Variants in ZCCHC7 observed in about 807,000 individuals in gnomAD.
The protein encoded by ZCCHC7 is zinc finger CCHC domain-containing protein 7.
ZCCHC7 carries 35 observed loss-of-function variants against 52.0 expected under a neutral mutation model. The ratio of observed to expected loss-of-function variants is 0.67; its 90% CI spans 0.51 to 0.89. ZCCHC7 has a LOEUF of 0.89. ZCCHC7 is among the 40% of genes least tolerant of loss of function. The pLI, the probability that ZCCHC7 is intolerant of heterozygous loss-of-function variation, is 0.00. For synonymous variants in ZCCHC7, 217 were observed against 221.5 expected, an observed-to-expected ratio of 0.98 and a Z score of 0.18; for missense variants, 574 against 649.1, an observed-to-expected ratio of 0.88 and a Z score of 1.26.
chr9:37,226,060 CAAAT>C lies in ZCCHC7; in HGVS notation c.611-76125_611-76122del, dbSNP rs761359928. ...CTAGTTAGAAAATTGGAGAGAATCT[CAAAT>C]AAGCTACTGGCACTAATAAGTTTAG... On this transcript the variant is annotated intron_variant, in intron 2 of 8. Coordinates refer to ENST00000336755, the MANE Select transcript of ZCCHC7 (RefSeq NM_032226.3). 1.1e-3 allele frequency among the ~76,000 whole-genome samples: 160 copies of C among 152,280 alleles called. 1 individual carries two copies. Among genetic ancestry groups the C allele is most frequent in the African/African-American group, 3.6e-3 (149 of 41,560 alleles).
chr9:37,154,307 A>G (rs376157077), intron 2 of ZCCHC7, among the ~76,000 whole-genome samples: 15 of 152,186 alleles, frequency 9.9e-5, no homozygotes, highest in African/African-American at 3.1e-4. Flanking sequence ...AAATGAAATA[A>G]TGCATGTGAT....
rs142743805 is a variant in ZCCHC7 at position 37,342,124 on chromosome 9, G to A, written c.988-7233G>A. 1.1e-4 allele frequency among the ~76,000 whole-genome samples: 16 copies of A among 152,280 alleles called. No individual in the cohort carries two copies. The East Asian group carries it at 2.9e-3, about 28-fold the overall frequency. ...ATGATGTTCTTGTAATCATCCAAACGAGAGTTGAGTAATTGGACCAGGACA... is the reference window on the plus strand; with the variant it reads ...ATGATGTTCTTGTAATCATCCAAACAAGAGTTGAGTAATTGGACCAGGACA... On this transcript the variant is annotated intron_variant, in intron 6 of 8. Transcript: ENST00000336755.
In ZCCHC7 at chr9:37,163,221, C is replaced by A. The variant is rs375120000; in HGVS notation, c.610+36279C>A. ...TCTCAAAAACAAACAAACAAACAAA[C>A]AAAAAAAAACAAAAAGTATTTTTAC... is the stretch of plus-strand genomic sequence containing the variant. On this transcript the variant is annotated intron_variant, in intron 2 of 8. Coordinates refer to ENST00000336755, the MANE Select transcript of ZCCHC7 (RefSeq NM_032226.3). Among the ~76,000 whole-genome samples, 407 of 148,384 alleles carry A rather than the reference C, an allele frequency of 2.7e-3. 2 individuals carry two copies. Among genetic ancestry groups the A allele is most frequent in the Middle Eastern group, 6.8e-3 (2 of 294 alleles).
In ZCCHC7 at chr9:37,357,434, A is replaced by G; in HGVS notation, c.*166A>G. On this transcript the variant is annotated 3_prime_UTR_variant, in exon 9 of 9. Transcript: ENST00000336755. ...TTACTGAATATCCATGGAGATCTCA[A>G]TTCTCTGTGTCCAACAGGATATTAG... The G allele has an allele frequency of 1.8e-6, 1 of 556,610 alleles. No homozygotes were observed. The highest frequency in any genetic ancestry group is 2.9e-6 in the Non-Finnish European group (1 of 340,190). The allele number at this position is 556,610 out of a possible 1,614,324, so 34.5% of individuals were successfully genotyped here.
intron 2 of ZCCHC7, among the ~76,000 whole-genome samples, chr9:37,198,541 A>C (rs536250868): frequency 1.3e-5 from 2 of 152,106 alleles, no homozygotes; most frequent in Non-Finnish European, 2.9e-5. Context: ...CCGTCTGTCT[A>C]TTTTAGTCTT....
chr9:37,171,905 T>G (rs530279713), intron 2 of ZCCHC7, among the ~76,000 whole-genome samples: 51 of 152,354 alleles, frequency 3.3e-4, no homozygotes, highest in African/African-American at 1.2e-3. Flanking sequence ...TTTTGGTAGA[T>G]GTATTCTTCT....
chr9:37,232,171 A>G (rs1228396467), intron 2 of ZCCHC7, among the ~76,000 whole-genome samples: 1 of 152,216 alleles, frequency 6.6e-6, no homozygotes, highest in East Asian at 1.9e-4. Context: ...ACAGTGCAGC[A>G]GTGAAAGGGA....
chr9:37,228,621 G>T (rs748908855), intron 2 of ZCCHC7, among the ~76,000 whole-genome samples: 5 of 151,854 alleles, frequency 3.3e-5, no homozygotes, highest in South Asian at 2.1e-4. Flanking sequence ...CTCCTGCCAT[G>T]CCTTCCCAAA....
intron 2 of ZCCHC7, among the ~76,000 whole-genome samples, chr9:37,301,461 G>C (rs1278611979): frequency 1.3e-5 from 2 of 152,098 alleles, no homozygotes; most frequent in Non-Finnish European, 2.9e-5. Flanking sequence ...TTAGCCTAGC[G>C]TGGTGGCAAG....
In ZCCHC7 at chr9:37,230,533, A is replaced by G. The variant is rs189292659; in HGVS notation, c.611-71655A>G. Among the ~76,000 whole-genome samples the G allele has an allele frequency of 3.5e-3, 537 of 152,330 alleles. 5 individuals carry two copies. Among genetic ancestry groups the G allele is most frequent in the Middle Eastern group, 6.8e-3 (2 of 294 alleles). ...CATTATTTTATGAATGTATATATAG[A>G]AAAGATATTAAATATCAAGTGTTTA... On this transcript the variant is annotated intron_variant, in intron 2 of 8. Transcript: ENST00000336755.
intron 2 of ZCCHC7, among the ~76,000 whole-genome samples, chr9:37,218,495 G>C (rs1487056415): frequency 6.6e-6 from 1 of 152,138 alleles, no homozygotes; most frequent in Non-Finnish European, 1.5e-5. Context: ...GTAAAACTTA[G>C]GGGTTTAAAT....
chr9:37,129,340 T>C, intron 2 of ZCCHC7, among the ~76,000 whole-genome samples: 1 of 152,252 alleles, frequency 6.6e-6, no homozygotes, highest in East Asian at 1.9e-4. Flanking sequence ...CAAATAGAAT[T>C]AAATTCTGAA....
chr9:37,146,113 T>G (rs1425125860), intron 2 of ZCCHC7, among the ~76,000 whole-genome samples: 1 of 151,954 alleles, frequency 6.6e-6, no homozygotes, highest in Non-Finnish European at 1.5e-5. Flanking sequence ...TTCATTTATC[T>G]CAGAGTTTTT....
rs1023518106 is a variant in ZCCHC7 at position 37,263,312 on chromosome 9, A to G, written c.611-38876A>G. Reference sequence around the variant, plus strand: ...CCAGCCTTTTCCTATTATATACCTTATATTTTGTATATACTCTTACATTTT... The same window carrying G: ...CCAGCCTTTTCCTATTATATACCTTGTATTTTGTATATACTCTTACATTTT... On this transcript the variant is annotated intron_variant, in intron 2 of 8. Coordinates refer to ENST00000336755, the MANE Select transcript of ZCCHC7 (RefSeq NM_032226.3). Among the ~76,000 whole-genome samples, 14 of 151,552 alleles carry G rather than the reference A, an allele frequency of 9.2e-5. No individual in the cohort carries two copies. The South Asian group carries it at 1.0e-3, about 11-fold the overall frequency.
chr9:37,164,664 C>G (rs910037728), intron 2 of ZCCHC7, among the ~76,000 whole-genome samples: 1 of 152,156 alleles, frequency 6.6e-6, no homozygotes, highest in Non-Finnish European at 1.5e-5. Context: ...TTACTGCAGC[C>G]TTGACCTGGG....
intron 2 of ZCCHC7, among the ~76,000 whole-genome samples, chr9:37,152,592 A>G (rs1820590135): frequency 6.6e-6 from 1 of 151,998 alleles, no homozygotes; most frequent in Admixed American, 6.6e-5. Context: ...TAGGTATTTT[A>G]TAGAATGTCC....
rs896207741 is a variant in ZCCHC7 at position 37,155,082 on chromosome 9, G to A, written c.610+28140G>A. On this transcript the variant is annotated intron_variant, in intron 2 of 8. Transcript: ENST00000336755. ...TGGAAGACATTTAAAGATGGCGGGC[G>A]GGGTGTAGTGGCTCACACCTGTAAT... is the stretch of plus-strand genomic sequence containing the variant. Among the ~76,000 whole-genome samples, 6 of 152,060 alleles carry A rather than the reference G, an allele frequency of 3.9e-5. No individual in the cohort carries two copies. The South Asian group carries it at 1.0e-3, about 26-fold the overall frequency.
At chr9:37,329,047 T>A (rs75742067) in intron 6 of ZCCHC7, among the ~76,000 whole-genome samples, 7,719 of 151,962 alleles carry the variant, frequency 0.051, 638 homozygotes, top group African/African-American at 0.17. Flanking sequence ...TTTTATCCTA[T>A]CATAATATAG....
At chr9:37,223,899 C>T (rs1824957944) in intron 2 of ZCCHC7, among the ~76,000 whole-genome samples, 2 of 151,898 alleles carry the variant, frequency 1.3e-5, no homozygotes, top group Admixed American at 1.3e-4. Context: ...ACAGCATGCA[C>T]CCATTTTTCA....
Sources: allele counts gnomAD v4.1 joint callset (sites outside exome capture counted in the v4.1 genomes callset), GRCh38; gene constraint gnomAD v4.1.1; transcripts MANE v1.5; gene names NCBI Gene and HGNC (gene_info 2026-07-23, HGNC 2026-07-21).